The following BMPR1B variants were observed in gnomAD, a reference collection of about 807,000 sequenced individuals.
The protein encoded by BMPR1B is bone morphogenetic protein receptor type-1B.
Under a neutral mutation model 59.1 loss-of-function variants are expected in BMPR1B, and 12 were observed. That is an observed-to-expected ratio of 0.20 (90% CI 0.13 to 0.33). The LOEUF (loss-of-function observed/expected upper bound fraction) is 0.33, where lower values mean the gene tolerates loss of function less well. Among genes scored for constraint, BMPR1B ranks in the 10% least tolerant of loss-of-function variants. BMPR1B has a pLI of 1.00. For synonymous variants in BMPR1B, 237 were observed against 207.3 expected (o/e 1.14, Z -1.23); for missense variants, 550 against 610.9 (o/e 0.90, Z 1.05).
intron 3 of BMPR1B, among the ~76,000 whole-genome samples, chr4:95,047,105 G>A (rs1382320498): frequency 6.6e-6 from 1 of 152,030 alleles, no homozygotes; most frequent in Non-Finnish European, 1.5e-5. Context: ...AGGTAATATA[G>A]AGTCCTCATA....
At chr4:95,023,850 A>G (rs1724168278) in intron 3 of BMPR1B, among the ~76,000 whole-genome samples, 1 of 152,198 alleles carries the variant, frequency 6.6e-6, no homozygotes, top group Non-Finnish European at 1.5e-5. Flanking sequence ...TTGATTTTGT[A>G]CAGTATCTTA....
At chr4:94,947,797 A>T (rs1034652973) in intron 2 of BMPR1B, among the ~76,000 whole-genome samples, 2 of 151,856 alleles carry the variant, frequency 1.3e-5, no homozygotes, top group Non-Finnish European at 2.9e-5. Flanking sequence ...CATTCCTGAA[A>T]GGAATGTCTC....
At chr4:94,797,554 T>C (rs1723241487) in intron 1 of BMPR1B, among the ~76,000 whole-genome samples, 1 of 152,170 alleles carries the variant, frequency 6.6e-6, no homozygotes, top group African/African-American at 2.4e-5. Flanking sequence ...TTGAGGCAAA[T>C]ATTGTCAACA....
At chr4:95,146,636 T>A (rs965354571) in intron 10 of BMPR1B, among the ~76,000 whole-genome samples, 1 of 152,218 alleles carries the variant, frequency 6.6e-6, no homozygotes, top group Admixed American at 6.5e-5. Flanking sequence ...TTAACCATCT[T>A]CTTTTCATCT....
At chr4:94,833,192 CAA>C (rs60473542) in intron 1 of BMPR1B, among the ~76,000 whole-genome samples, 37,585 of 132,586 alleles carry the variant, frequency 0.28, 4,851 homozygotes, top group East Asian at 0.38. Flanking sequence ...GACTCTTTCT[CAA>C]AAAAAAAAAA....
intron 3 of BMPR1B, among the ~76,000 whole-genome samples, chr4:95,034,884 A>C (rs1220600575): frequency 6.6e-6 from 1 of 152,194 alleles, no homozygotes; most frequent in East Asian, 1.9e-4. Flanking sequence ...GTACTAGTTT[A>C]CATTCTCACC....
intron 1 of BMPR1B, among the ~76,000 whole-genome samples, chr4:94,855,828 A>C (rs1049210003): frequency 4.6e-5 from 7 of 152,254 alleles, no homozygotes; most frequent in Admixed American, 4.6e-4. Context: ...TGAAATAATC[A>C]GATTTTAACT....
chr4:95,007,712 A>G (rs1053368986), intron 3 of BMPR1B, among the ~76,000 whole-genome samples: 8 of 152,230 alleles, frequency 5.3e-5, no homozygotes, highest in Non-Finnish European at 7.3e-5. Flanking sequence ...AGAAAAATCA[A>G]GATGAAGTTA....
At chr4:94,896,129 T>A (rs1727575796) in intron 2 of BMPR1B, among the ~76,000 whole-genome samples, 3 of 152,034 alleles carry the variant, frequency 2.0e-5, no homozygotes, top group Admixed American at 1.3e-4. Flanking sequence ...TAAAAATATA[T>A]CTTTGCTAAT....
intron 3 of BMPR1B, among the ~76,000 whole-genome samples, chr4:95,051,472 G>T (rs372507430): frequency 3.3e-5 from 5 of 152,048 alleles, no homozygotes; most frequent in Non-Finnish European, 7.4e-5. Flanking sequence ...CCGGCTCAGG[G>T]TCCTCACCGC....
At chr4:95,021,004 C>T (rs1487183173) in intron 3 of BMPR1B, among the ~76,000 whole-genome samples, 5 of 152,122 alleles carry the variant, frequency 3.3e-5, no homozygotes, top group African/African-American at 1.2e-4. Flanking sequence ...CATAAGCCAC[C>T]GTGTCTGGCT....
At chr4:94,932,926 T>G (rs1476903383) in intron 2 of BMPR1B, among the ~76,000 whole-genome samples, 1 of 152,088 alleles carries the variant, frequency 6.6e-6, no homozygotes, top group Non-Finnish European at 1.5e-5. Flanking sequence ...GTTAATGACC[T>G]TACTTGACTC....
intron 3 of BMPR1B, among the ~76,000 whole-genome samples, chr4:95,050,568 G>C (rs1472150690): frequency 1.3e-5 from 2 of 152,130 alleles, no homozygotes; most frequent in African/African-American, 2.4e-5. Context: ...GTCAGGAGTA[G>C]GGGCAAATGA....
rs1342282373 is a variant in BMPR1B at position 94,996,085 on chromosome 4, C to T, written c.-67C>T. The stretch of plus-strand genomic sequence containing the variant: ...ATAACCATTTGGCTCTGAGCTATGA[C>T]AAGAGAGGAAACAAAAAGTTAAACA... On this transcript the variant is annotated 5_prime_UTR_variant, in exon 3 of 13. Coordinates refer to ENST00000515059, the MANE Select transcript of BMPR1B (RefSeq NM_001203.3). 1 of 152,146 alleles carries T rather than the reference C, an allele frequency of 6.6e-6. No homozygotes were observed. Among genetic ancestry groups the T allele is most frequent in the Non-Finnish European group, 1.5e-5 (1 of 68,036 alleles). 9.4% of individuals were successfully genotyped at this position (152,146 alleles called of 1,614,324 possible). A position where few individuals can be genotyped will look rare whatever the true frequency, so the allele number is the denominator to read the frequency against.
At chr4:94,970,738 T>A (rs1730761371) in intron 2 of BMPR1B, among the ~76,000 whole-genome samples, 1 of 152,234 alleles carries the variant, frequency 6.6e-6, no homozygotes, top group Admixed American at 6.5e-5. Context: ...TAAATCTCAG[T>A]AATTGGGATA....
intron 1 of BMPR1B, among the ~76,000 whole-genome samples, chr4:94,871,593 G>T (rs902832892): frequency 3.3e-5 from 5 of 151,992 alleles, no homozygotes; most frequent in Admixed American, 1.3e-4. Flanking sequence ...AGAATCTTTA[G>T]AATTTTTTGG....
intron 3 of BMPR1B, among the ~76,000 whole-genome samples, chr4:95,039,897 C>T (rs1475636523): frequency 6.6e-6 from 1 of 152,140 alleles, no homozygotes; most frequent in East Asian, 1.9e-4. Flanking sequence ...TGACTCTGAA[C>T]CAAAAATCAT....
chr4:95,089,760 T>G (rs574644825), intron 3 of BMPR1B, among the ~76,000 whole-genome samples: 1 of 152,242 alleles, frequency 6.6e-6, no homozygotes, highest in East Asian at 1.9e-4. Flanking sequence ...GATTGTCCTT[T>G]GGCAGTCTTC....
At chr4:94,952,544 T>A (rs1578842919) in intron 2 of BMPR1B, among the ~76,000 whole-genome samples, 1 of 152,352 alleles carries the variant, frequency 6.6e-6, no homozygotes, top group East Asian at 1.9e-4. Flanking sequence ...GAGCAGGTTG[T>A]TCAGTTTCCA....
Sources: gnomAD v4.1 joint callset for allele counts (sites outside exome capture counted in the v4.1 genomes callset) on GRCh38, gnomAD v4.1.1 for gene constraint, MANE v1.5 for transcripts, NCBI Gene and HGNC (gene_info 2026-07-23, HGNC 2026-07-21) for gene names.